Variants in ITGA1 observed in about 807,000 individuals in gnomAD.
The protein encoded by ITGA1 is integrin alpha-1.
A neutral mutation model predicts 145.9 loss-of-function variants in ITGA1; 85 were observed. That is an observed-to-expected ratio of 0.58 (90% CI 0.49 to 0.70). The LOEUF (loss-of-function observed/expected upper bound fraction) is 0.70. Among genes scored for constraint, ITGA1 ranks in the 30% least tolerant of loss-of-function variants. The pLI, the probability that ITGA1 is intolerant of heterozygous loss-of-function variation, is 0.00. For missense variants in ITGA1, 1,351 were observed against 1,418.7 expected, an observed-to-expected ratio of 0.95 and a Z score of 0.77; for synonymous variants, 520 against 495.3, an observed-to-expected ratio of 1.05 and a Z score of -0.66.
intron 6 of ITGA1, among the ~76,000 whole-genome samples, chr5:52,881,232 T>C (rs6885424): frequency 0.071 from 10,837 of 152,258 alleles, 1,011 homozygotes; most frequent in African/African-American, 0.22. Context: ...TTCCTCCAGC[T>C]TCATGGTGCC....
At chr5:52,815,678 T>G (rs1388694426) in intron 1 of ITGA1, among the ~76,000 whole-genome samples, 4 of 152,192 alleles carry the variant, frequency 2.6e-5, no homozygotes, top group South Asian at 2.1e-4. Context: ...TCTAAGGCTT[T>G]CAACAATAGC....
intron 1 of ITGA1, among the ~76,000 whole-genome samples, chr5:52,835,182 C>T (rs914952462): frequency 3.9e-5 from 6 of 152,036 alleles, no homozygotes; most frequent in Non-Finnish European, 5.9e-5. Flanking sequence ...ATGAAAAAAA[C>T]GGATATTAAG....
At chr5:52,904,349 C>T (rs58255701) in intron 11 of ITGA1, 2 of 152,092 alleles carry the variant, frequency 1.3e-5, no homozygotes, top group African/African-American at 4.8e-5. Context: ...CCCCCACTAT[C>T]GCACCCACCG....
chr5:52,819,173 G>GGT (rs1421751808), intron 1 of ITGA1, among the ~76,000 whole-genome samples: 2 of 152,192 alleles, frequency 1.3e-5, no homozygotes, highest in African/African-American at 4.8e-5. Flanking sequence ...GTAATGGGAT[G>GGT]GTGGGGTCAA....
intron 1 of ITGA1, among the ~76,000 whole-genome samples, chr5:52,799,262 T>G (rs1748405342): frequency 6.6e-6 from 1 of 152,210 alleles, no homozygotes; most frequent in African/African-American, 2.4e-5. Context: ...GCTAAGTAAC[T>G]TAAGGATTTT....
chr5:52,788,129 A>G lies in ITGA1; in HGVS notation c.-225A>G. 1 of 433,852 alleles carries G rather than the reference A, an allele frequency of 2.3e-6. No individual in the cohort carries two copies. Among genetic ancestry groups the G allele is most frequent in the Non-Finnish European group, 4.1e-6 (1 of 243,860 alleles). The allele number at this position is 433,852 out of a possible 1,614,324, so 26.9% of individuals were successfully genotyped here. A position where few individuals can be genotyped will look rare whatever the true frequency, so the allele number is the denominator to read the frequency against. Reference sequence around the variant, plus strand: ...GACCAAGAGCGCGAAGGGGCGGGCGATGTGGCAATCCGTCTGGGATGTGAA... The same window carrying G: ...GACCAAGAGCGCGAAGGGGCGGGCGGTGTGGCAATCCGTCTGGGATGTGAA... On this transcript the variant is annotated 5_prime_UTR_variant, in exon 1 of 29. It removes an upstream start codon present in the reference 5' UTR. Transcript: ENST00000282588.
chr5:52,929,133 A>G (rs552064621), intron 20 of ITGA1, among the ~76,000 whole-genome samples: 1 of 152,170 alleles, frequency 6.6e-6, no homozygotes, highest in Admixed American at 6.5e-5. Context: ...TATTTCTCAC[A>G]GTTCTGGAAG....
At chr5:52,883,868 C>A (rs954898139) in intron 7 of ITGA1, among the ~76,000 whole-genome samples, 2 of 152,152 alleles carry the variant, frequency 1.3e-5, no homozygotes, top group Non-Finnish European at 2.9e-5. Flanking sequence ...GAAAGGTGTA[C>A]TCAGGAGTTC....
At chr5:52,894,727 T>C (rs1750200530) in intron 9 of ITGA1, among the ~76,000 whole-genome samples, 1 of 152,162 alleles carries the variant, frequency 6.6e-6, no homozygotes, top group Non-Finnish European at 1.5e-5. Context: ...CTGTTGTTTC[T>C]ACATCTTAAC....
intron 1 of ITGA1, among the ~76,000 whole-genome samples, chr5:52,846,810 A>G (rs1404217476): frequency 6.6e-6 from 1 of 152,164 alleles, no homozygotes; most frequent in African/African-American, 2.4e-5. Flanking sequence ...TCCTGGGTAC[A>G]CATTTTCTTT....
At chr5:52,903,711 T>A (rs1750352276) in intron 11 of ITGA1, 1 of 152,202 alleles carries the variant, frequency 6.6e-6, no homozygotes, top group Non-Finnish European at 1.5e-5. Flanking sequence ...TAATCTTACT[T>A]CTGCTCCACT....
At chr5:52,886,653 G>C (rs180936752) in intron 7 of ITGA1, among the ~76,000 whole-genome samples, 1 of 152,320 alleles carries the variant, frequency 6.6e-6, no homozygotes, top group African/African-American at 2.4e-5. Context: ...AGGAAATAAA[G>C]GGGGAGGGGA....
At chr5:52,847,321 G>A (rs1749353101) in intron 1 of ITGA1, among the ~76,000 whole-genome samples, 1 of 152,080 alleles carries the variant, frequency 6.6e-6, no homozygotes, top group African/African-American at 2.4e-5. Context: ...ATAAATTAGA[G>A]TAGTGTGGAT....
At chr5:52,919,026 A>C in intron 16 of ITGA1, 128 bp downstream of exon 16, 2 of 795,780 alleles carry the variant, frequency 2.5e-6, no homozygotes, top group Non-Finnish European at 3.8e-6. Flanking sequence ...GCCCCAGTGA[A>C]GATGCAGAAC....
intron 22 of ITGA1, chr5:52,933,511 C>T (rs1750921493): frequency 6.6e-6 from 1 of 152,560 alleles, no homozygotes; most frequent in Non-Finnish European, 1.5e-5. Flanking sequence ...AAATATAGGA[C>T]TTTAAATTAT....
rs2111751493 is a variant in ITGA1, at chr5:52,849,459, A to G, written c.156A>G (p.Gln52=). Residue 52 remains glutamine (Q), a synonymous_variant, in exon 2 of 29, where the codon CAA becomes CAG. Transcript: ENST00000282588. The part of the protein sequence containing the change: ...PVEDMFGYTV[Q]QYENEEGKWV... ...AAGACATGTTTGGATATACTGTTCA[A>G]CAATATGAAAATGAAGAAGGAAAAT... 4 of 1,607,170 alleles carry G rather than the reference A, an allele frequency of 2.5e-6. No individual in the cohort carries two copies. The highest frequency in any genetic ancestry group is 3.4e-6 in the Non-Finnish European group (4 of 1,176,216).
At chr5:52,859,024 A>G (rs1057415947) in intron 2 of ITGA1, among the ~76,000 whole-genome samples, 1 of 152,150 alleles carries the variant, frequency 6.6e-6, no homozygotes, top group Non-Finnish European at 1.5e-5. Flanking sequence ...AGTTCATGCT[A>G]TATTTCATGG....
chr5:52,789,285 C>G (rs866118659), intron 1 of ITGA1, among the ~76,000 whole-genome samples: 5 of 152,156 alleles, frequency 3.3e-5, no homozygotes, highest in Middle Eastern at 3.4e-3. Context: ...GATAGAATCT[C>G]TGTGTGAAAG....
At position 52,957,022 on chromosome 5, in the gene ITGA1, A is replaced by G. The variant is rs1174048376; in HGVS notation, c.*4571A>G. 6.6e-6 allele frequency: 1 copy of G among 152,142 alleles called. No homozygotes were observed. The highest frequency in any genetic ancestry group is 1.5e-5 in the Non-Finnish European group (1 of 68,022). 9.4% of individuals were successfully genotyped at this position (152,142 alleles called of 1,614,324 possible). A position where few individuals can be genotyped will look rare whatever the true frequency, so the allele number is the denominator to read the frequency against. On this transcript the variant is annotated 3_prime_UTR_variant, in exon 29 of 29. Coordinates refer to ENST00000282588, the MANE Select transcript of ITGA1 (RefSeq NM_181501.2). ...CTAAGTGGAAGCACTGTTGAACAAC[A>G]CTCTTAGGTGGAATAAGAAAATTAG... is the stretch of plus-strand genomic sequence containing the variant.
Sources: gnomAD v4.1 joint callset for allele counts (sites outside exome capture counted in the v4.1 genomes callset) on GRCh38, gnomAD v4.1.1 for gene constraint, MANE v1.5 for transcripts, NCBI Gene and HGNC (gene_info 2026-07-23, HGNC 2026-07-21) for gene names.